Variants in MYO15A observed in about 807,000 individuals in gnomAD.
MYO15A encodes unconventional myosin-XV.
Under a neutral mutation model 394.6 loss-of-function variants are expected in MYO15A, and 308 were observed. The observed-to-expected ratio is 0.78, with a 90% confidence interval of 0.71 to 0.86. The LOEUF is 0.86. Ranked by LOEUF, MYO15A falls within the 40% of genes least tolerant of loss-of-function variation. The pLI is 0.00. For synonymous variants in MYO15A, 1,957 were observed against 2,003.8 expected, an observed-to-expected ratio of 0.98 and a Z score of 0.62; for missense variants, 4,606 against 4,799.1, an observed-to-expected ratio of 0.96 and a Z score of 1.19.
At chr17:18,155,003 C>T (rs1263154320) in intron 45 of MYO15A, 107 bp from the exon 46 acceptor site, 1 of 1,107,464 alleles carries the variant, frequency 9.0e-7, no homozygotes, top group Non-Finnish European at 1.3e-6. Flanking sequence ...AGACACTGGT[C>T]AGATACCTTC....
At chr17:18,159,868 T>A (rs1323908434) in intron 55 of MYO15A, 67 bp from the exon 56 acceptor site, 1 of 1,565,802 alleles carries the variant, frequency 6.4e-7, no homozygotes, top group Non-Finnish European at 8.7e-7. Context: ...ACCCTGTTCT[T>A]ATGTACCTGG....
At chr17:18,144,800 CAAAAAAA>C (rs35437143) in intron 29 of MYO15A, among the ~76,000 whole-genome samples, 5 of 117,108 alleles carry the variant, frequency 4.3e-5, no homozygotes, top group African/African-American at 1.6e-4. Context: ...ATCTTCCTGG[CAAAAAAA>C]AAAAAAAAAA....
Position 18,163,255 on chromosome 17 carries a change from T to C in MYO15A, c.9624T>C (p.Ser3208=). 6.2e-7 allele frequency: 1 copy of C among 1,614,178 alleles called. No individual in the cohort carries two copies. Among genetic ancestry groups the C allele is most frequent in the East Asian group, 2.2e-5 (1 of 44,870 alleles). Reference sequence around the variant, plus strand: ...CCTATCTACCCCAGGCAGGCCGCAGTTCCAAGAGGCAACTCTTTCTTCTTC... The same window carrying C: ...CCTATCTACCCCAGGCAGGCCGCAGCTCCAAGAGGCAACTCTTTCTTCTTC... ...IELRAMLAGR[S]SKRQLFLLPG... The change falls in exon 59 of 66, where the codon AGT becomes AGC. Residue 3208 remains serine, a synonymous_variant. Transcript: ENST00000647165.
rs1207555952 is a variant in MYO15A, at chr17:18,118,584, T to C, written c.-217T>C. The C allele has an allele frequency of 9.3e-6, 6 of 647,042 alleles. No individual in the cohort carries two copies. The highest frequency in any genetic ancestry group is 1.3e-5 in the Non-Finnish European group (5 of 381,762). The allele number at this position is 647,042 out of a possible 1,614,324, so 40.1% of individuals were successfully genotyped here. On this transcript the variant is annotated splice_region_variant and 5_prime_UTR_variant, in exon 2 of 66. An upstream open reading frame in the 5' UTR loses its in-frame stop. Transcript: ENST00000647165. ...CACACTTTCTACTACTGCTCTAGGGTGAAACCCAAGGCGCTCTAGAGGAGA... is the reference window on the plus strand; with the variant it reads ...CACACTTTCTACTACTGCTCTAGGGCGAAACCCAAGGCGCTCTAGAGGAGA...
rs79467120 is a variant in MYO15A at position 18,132,312 on chromosome 17, C to T, written c.4207-141C>T. On this transcript the variant is annotated intron_variant, in intron 10 of 65. Coordinates refer to ENST00000647165, the MANE Select transcript of MYO15A (RefSeq NM_016239.4). This position sits in a 1 kb window ranked among gnomAD's most constrained non-coding sequence, Gnocchi z 4.6. ...GCAGCTGGCACCAGGCTGGGAGCCT[C>T]ACCCATCACAGAGGCGCGTGTTCTC... The T allele has an allele frequency of 3.5e-5, 24 of 687,880 alleles. No homozygotes were observed. In the East Asian group the frequency reaches 6.2e-4, roughly 18 times the overall value. The allele number at this position is 687,880 out of a possible 1,614,324, so 42.6% of individuals were successfully genotyped here.
At chr17:18,164,004 G>C (rs559951619) in intron 60 of MYO15A, 166 bp downstream of exon 60, 1 of 706,670 alleles carries the variant, frequency 1.4e-6, no homozygotes, top group Admixed American at 2.1e-5. Flanking sequence ...AGCACGCCCA[G>C]CCCTTTATCT....
At chr17:18,110,313 G>A (rs1396940391) in intron 1 of MYO15A, 1 of 152,208 alleles carries the variant, frequency 6.6e-6, no homozygotes, top group Non-Finnish European at 1.5e-5. Context: ...CCACATGGCA[G>A]CCCGAGCTTC....
At chr17:18,127,533 A>G (rs1195666116) in intron 7 of MYO15A, among the ~76,000 whole-genome samples, 2 of 152,042 alleles carry the variant, frequency 1.3e-5, no homozygotes, top group Non-Finnish European at 2.9e-5. Context: ...CCCAGAAGCT[A>G]TGCAGCCCCC....
At chr17:18,154,101 A>C (rs1427153327) in intron 43 of MYO15A, 30 bp from the exon 44 acceptor site, 2 of 1,613,426 alleles carry the variant, frequency 1.2e-6, no homozygotes, top group Admixed American at 1.7e-5. Context: ...GGGCAGTCGG[A>C]CAGTACCCAC....
rs376816545 is a variant in MYO15A, at chr17:18,151,379, C to T, written c.7655-16C>T. 329 of 1,614,188 alleles carry T rather than the reference C, an allele frequency of 2.0e-4. No homozygotes were observed. The African/African-American group carries it at 3.0e-3, about 15-fold the overall frequency. On this transcript the variant is annotated splice_polypyrimidine_tract_variant and intron_variant, in intron 39 of 65. Coordinates refer to ENST00000647165, the MANE Select transcript of MYO15A (RefSeq NM_016239.4). The stretch of plus-strand genomic sequence containing the variant: ...TTGTGGCCTCACCCTGTTCCCACCG[C>T]GCCCCTTGCCCACAGCTTCACCCTC...
rs750617462 is a variant in MYO15A, at chr17:18,119,995, T to A, written c.1195T>A (p.Tyr399Asn). ...DEAIYPPEVP[Y>N]FYPEESASAF... is the part of the protein sequence containing the mutation. ...GGCCATCTACCCCCCCGAGGTGCCCTATTTTTACCCGGAGGAGTCGGCTTC... is the reference window on the plus strand; with the variant it reads ...GGCCATCTACCCCCCCGAGGTGCCCAATTTTTACCCGGAGGAGTCGGCTTC... Residue 399 changes from tyrosine to asparagine, a missense_variant, in exon 2 of 66, where the codon TAT becomes AAT. Transcript: ENST00000647165. 6.2e-7 allele frequency: 1 copy of A among 1,613,592 alleles called. No homozygotes were observed. Among genetic ancestry groups the A allele is most frequent in the African/African-American group, 1.3e-5 (1 of 74,928 alleles).
intron 48 of MYO15A, 136 bp downstream of exon 48, chr17:18,156,472 C>T (rs886523403): frequency 1.3e-5 from 13 of 1,035,980 alleles, no homozygotes; most frequent in Middle Eastern, 2.6e-4. Flanking sequence ...GTGCCTTCCA[C>T]TTGGAATACC....
At position 18,158,558 on chromosome 17, in the gene MYO15A, G is replaced by A. The variant is rs1374318836; in HGVS notation, c.9003G>A (p.Gly3001=). The A allele has an allele frequency of 6.2e-7, 1 of 1,614,034 alleles. No homozygotes were observed. The highest frequency in any genetic ancestry group is 1.3e-5 in the African/African-American group (1 of 74,918). ...TCAGGGCCCGCTCTGCTGACCATGG[G>A]GAGGACGCCCTGGCGCTCCCACCCT... ...PPVRARSADH[G]EDALALPPYT... Residue 3001 remains glycine (G), a synonymous_variant, in exon 52 of 66, where the codon GGG becomes GGA. Transcript: ENST00000647165.
In MYO15A at chr17:18,133,233, C is replaced by A; in HGVS notation, c.4329C>A (p.Asn1443Lys). 1.2e-6 allele frequency: 2 copies of A among 1,614,100 alleles called. No individual in the cohort carries two copies. Among genetic ancestry groups the A allele is most frequent in the Non-Finnish European group, 1.7e-6 (2 of 1,180,004 alleles). ...CCTCTGCCCTCATGCAGGGTGGGAA[C>A]TGTGAGATAGCAGGAAAGAGCGATG... Reference protein sequence around the residue: ...ETYYYLNQGGNCEIAGKSDAD... With the variant: ...ETYYYLNQGGKCEIAGKSDAD... The change falls in exon 12 of 66, where the codon AAC becomes AAA. Residue 1443 changes from asparagine (N) to lysine (K), a missense_variant. By Grantham distance (94) the Asn-to-Lys change is moderately conservative. Around this residue, in one of 2 missense-constraint regions of MYO15A, gnomAD observed 2,776 missense variants for 3,109.3 expected, o/e 0.89. Transcript: ENST00000647165.
chr17:18,160,060 C>T (rs1292978852), intron 56 of MYO15A, 43 bp downstream of exon 56: 2 of 1,583,274 alleles, frequency 1.3e-6, no homozygotes, highest in African/African-American at 2.7e-5. Flanking sequence ...TCACTGTGTC[C>T]ATGCTCCAGG....
At position 18,136,648 on chromosome 17, in the gene MYO15A, A is replaced by T. The variant is rs547277957; in HGVS notation, c.4741A>T (p.Thr1581Ser). The change falls in exon 15 of 66, where the codon ACA becomes TCA. Residue 1581 changes from threonine to serine, a missense_variant. By Grantham distance (58) the Thr-to-Ser change is moderately conservative. This residue lies in a region of MYO15A where 2,776 missense variants were observed against 3,109.3 expected (regional missense o/e 0.89). Transcript: ENST00000647165. ...CGCGCTGGTGTCCCCAAGGCAGGAC[A>T]CACTGTCCATCGCCATCCTGGACAT... Reference protein sequence around the residue: ...VNALVSPRQDTLSIAILDIYG... With the variant: ...VNALVSPRQDSLSIAILDIYG... The T allele has an allele frequency of 5.0e-6, 8 of 1,612,936 alleles. No individual in the cohort carries two copies. In the East Asian group the frequency reaches 1.8e-4, roughly 36 times the overall value.
In MYO15A at chr17:18,132,362, G is replaced by A; in HGVS notation, c.4207-91G>A. 2 of 972,938 alleles carry A rather than the reference G, an allele frequency of 2.1e-6. No individual in the cohort carries two copies. Among genetic ancestry groups the A allele is most frequent in the Non-Finnish European group, 3.3e-6 (2 of 609,692 alleles). 60.3% of individuals were successfully genotyped at this position (972,938 alleles called of 1,614,324 possible). Reference sequence around the variant, plus strand: ...CATCTGCAGCCCACTGTGTGCATGTGCACTTGTGGGCAGGCTTGGGCTTGT... The same window carrying A: ...CATCTGCAGCCCACTGTGTGCATGTACACTTGTGGGCAGGCTTGGGCTTGT... On this transcript the variant is annotated intron_variant, in intron 10 of 65. Transcript: ENST00000647165. This position sits in a 1 kb window ranked among gnomAD's most constrained non-coding sequence, Gnocchi z 4.6.
chr17:18,116,675 CT>C (rs1446573580), intron 1 of MYO15A, among the ~76,000 whole-genome samples: 1 of 152,010 alleles, frequency 6.6e-6, no homozygotes, highest in African/African-American at 2.4e-5. Flanking sequence ...AATGTCAGCA[CT>C]TTGGGAGGCC....
In MYO15A at chr17:18,159,996, C is replaced by T. The variant is rs1027611052; in HGVS notation, c.9365C>T (p.Thr3122Ile). The T allele has an allele frequency of 6.2e-6, 10 of 1,612,688 alleles. No individual in the cohort carries two copies. The East Asian group carries it at 8.9e-5, about 14-fold the overall frequency. Residue 3122 changes from threonine to isoleucine, a missense_variant, in exon 56 of 66, where the codon ACA (threonine) becomes ATA (isoleucine). Transcript: ENST00000647165. Reference protein sequence around the residue: ...ECYCQVVKQITDNTSSKQDSC... With the variant: ...ECYCQVVKQIIDNTSSKQDSC... ...TACTGCCAAGTTGTGAAGCAGATCA[C>T]AGACAATACCAGCTCCAAGCAGTGA...
Sources: gnomAD v4.1 joint callset for allele counts (sites outside exome capture counted in the v4.1 genomes callset) on GRCh38, gnomAD v4.1.1 for gene constraint, gnomAD v4.1.1 regional missense constraint, Gnocchi (gnomAD v3.1) non-coding constraint, MANE v1.5 for transcripts, NCBI Gene and HGNC (gene_info 2026-07-23, HGNC 2026-07-21) for gene names.